Variants in OR1J2 observed in about 807,000 individuals in gnomAD.
OR1J2 encodes olfactory receptor 1J2.
For missense variants in OR1J2, 304 were observed against 246.1 expected, an observed-to-expected ratio of 1.24 and a Z score of -1.57; for synonymous variants, 142 against 99.7, an observed-to-expected ratio of 1.42 and a Z score of -2.52.
At chr9:122,451,815 A>G in the OR1J2 span, among the ~76,000 whole-genome samples, 1 of 152,176 alleles carries the variant, frequency 6.6e-6, no homozygotes, top group Non-Finnish European at 1.5e-5. Flanking sequence ...ACTGGAGGTC[A>G]TTGCTCAGTA....
the OR1J2 span, among the ~76,000 whole-genome samples, chr9:122,569,843 C>A: frequency 1.3e-5 from 2 of 151,516 alleles, no homozygotes; most frequent in Non-Finnish European, 2.9e-5. Context: ...CCCCACCCCA[C>A]AACAGTCCCC....
the OR1J2 span, chr9:122,527,253 C>G: frequency 1.2e-6 from 2 of 1,612,300 alleles, no homozygotes; most frequent in Non-Finnish European, 1.7e-6. Flanking sequence ...CGCTGATATT[C>G]CTCGGAGGAA....
the OR1J2 span, among the ~76,000 whole-genome samples, chr9:122,521,396 A>G: frequency 0.083 from 12,661 of 152,270 alleles, 781 homozygotes; most frequent in East Asian, 0.27. Flanking sequence ...CTAAAGGGCA[A>G]TGAACAAGTG....
the OR1J2 span, among the ~76,000 whole-genome samples, chr9:122,550,331 C>A: frequency 7.0e-6 from 1 of 142,028 alleles, no homozygotes; most frequent in Non-Finnish European, 1.5e-5. Context: ...ATACAAAGAA[C>A]TGGTACCAGT....
chr9:122,468,230 A>G, the OR1J2 span, among the ~76,000 whole-genome samples: 4,134 of 152,312 alleles, frequency 0.027, 94 homozygotes, highest in East Asian at 0.071. Flanking sequence ...AACTCAGGTG[A>G]AATAATAAAG....
the OR1J2 span, chr9:122,477,660 G>A: frequency 4.3e-6 from 7 of 1,614,226 alleles, no homozygotes; most frequent in Non-Finnish European, 5.9e-6. Context: ...AGACGGCTAG[G>A]TGCTGAGTCT....
chr9:122,554,288 T>TAAA, the OR1J2 span: 73 of 548,344 alleles, frequency 1.3e-4, no homozygotes, highest in African/African-American at 5.0e-4. Context: ...GTTAGGGATG[T>TAAA]AAAAAAAAAA....
chr9:122,547,793 C>T, the OR1J2 span, among the ~76,000 whole-genome samples: 879 of 152,152 alleles, frequency 5.8e-3, 15 homozygotes, highest in African/African-American at 0.02. Flanking sequence ...AATTTCTTTT[C>T]CTTTGAGTAT....
At chr9:122,465,133 CTCT>C in the OR1J2 span, among the ~76,000 whole-genome samples, 2 of 152,168 alleles carry the variant, frequency 1.3e-5, no homozygotes, top group African/African-American at 2.4e-5. Context: ...GAAAAAAAAT[CTCT>C]TGTCAGGATA....
At position 122,511,066 on chromosome 9, in the gene OR1J2, T is replaced by C. The variant is rs140953125; in HGVS notation, c.265T>C (p.Tyr89His). ...PKMLMDMRTK[Y>H]KSILYEECIS... ...GATGCTGATGGACATGCGGACTAAGTACAAATCGATCCTCTATGAGGAATG... is the reference window on the plus strand; with the variant it reads ...GATGCTGATGGACATGCGGACTAAGCACAAATCGATCCTCTATGAGGAATG... Residue 89 changes from tyrosine (Y) to histidine (H), a missense_variant, in exon 1 of 1, where the codon TAC becomes CAC. Physicochemically the swap from Tyr to His is moderately conservative, Grantham distance 83 (BLOSUM62 2). Coordinates refer to ENST00000335302, the MANE Select transcript of OR1J2 (RefSeq NM_054107.1). 5.7e-5 allele frequency: 76 copies of C among 1,341,328 alleles called. No individual in the cohort carries two copies. The highest frequency in any genetic ancestry group is 7.4e-5 in the Non-Finnish European group (70 of 942,440). The allele number at this position is 1,341,328 out of a possible 1,614,324, so 83.1% of individuals were successfully genotyped here. A position where few individuals can be genotyped will look rare whatever the true frequency, so the allele number is the denominator to read the frequency against.
the OR1J2 span, chr9:122,553,352 C>G: frequency 6.2e-7 from 1 of 1,613,970 alleles, no homozygotes; most frequent in African/African-American, 1.3e-5. Context: ...GGAACCTGCT[C>G]ATTATCCTGG....
At chr9:122,490,922 G>A in the OR1J2 span, among the ~76,000 whole-genome samples, 40 of 152,278 alleles carry the variant, frequency 2.6e-4, no homozygotes, top group Non-Finnish European at 5.1e-4. Flanking sequence ...AGTGGGCAGA[G>A]GACATGTTGG....
chr9:122,454,345 T>C, the OR1J2 span, among the ~76,000 whole-genome samples: 1 of 152,192 alleles, frequency 6.6e-6, no homozygotes, highest in East Asian at 1.9e-4. Context: ...AGTGAAACCC[T>C]GTCTCTACTA....
At chr9:122,578,228 A>G in the OR1J2 span, 16,662 of 152,248 alleles carry the variant, frequency 0.11, 1,106 homozygotes, top group South Asian at 0.18. Context: ...AGGCAGGTGA[A>G]TCATGAGGTC....
At chr9:122,536,200 G>A in the OR1J2 span, among the ~76,000 whole-genome samples, 1 of 152,160 alleles carries the variant, frequency 6.6e-6, no homozygotes, top group Non-Finnish European at 1.5e-5. Flanking sequence ...AACTTTCTGT[G>A]TAAATGCATC....
chr9:122,491,303 G>A, the OR1J2 span, among the ~76,000 whole-genome samples: 3,908 of 152,158 alleles, frequency 0.026, 157 homozygotes, highest in African/African-American at 0.088. Flanking sequence ...AAATTTAGTA[G>A]GCAGGTGGAT....
At chr9:122,561,920 C>T in the OR1J2 span, among the ~76,000 whole-genome samples, 4 of 152,262 alleles carry the variant, frequency 2.6e-5, no homozygotes, top group South Asian at 4.1e-4. Flanking sequence ...TGCCCAGATT[C>T]CTCAGAACTA....
chr9:122,451,151 G>GCAT, the OR1J2 span, among the ~76,000 whole-genome samples: 38 of 133,516 alleles, frequency 2.8e-4, no homozygotes, highest in Middle Eastern at 3.8e-3. Context: ...ACTATCACCT[G>GCAT]CATTATTATT....
At chr9:122,569,949 G>T in the OR1J2 span, among the ~76,000 whole-genome samples, 4 of 149,886 alleles carry the variant, frequency 2.7e-5, no homozygotes, top group Non-Finnish European at 5.9e-5. Context: ...TTGTTCTTGC[G>T]ATAGTTTACT....
Sources: allele counts gnomAD v4.1 joint callset (sites outside exome capture counted in the v4.1 genomes callset), GRCh38; gene constraint gnomAD v4.1.1; transcripts MANE v1.5; gene names NCBI Gene and HGNC (gene_info 2026-07-23, HGNC 2026-07-21).